IL34: variants seen among roughly 807,000 people sequenced by gnomAD.
IL34 encodes the protein interleukin-34.
In IL34, 17 loss-of-function variants were observed where a neutral mutation model predicts 25.3. That is an observed-to-expected ratio of 0.67 (90% CI 0.46 to 1.01). The LOEUF is 1.01. Ranked by LOEUF, IL34 falls within the 50% of genes least tolerant of loss-of-function variation. The pLI, the probability that IL34 is intolerant of heterozygous loss-of-function variation, is 0.00. For missense variants in IL34, 368 were observed against 312.9 expected, an observed-to-expected ratio of 1.18 and a Z score of -1.33; for synonymous variants, 174 against 140.9, an observed-to-expected ratio of 1.23 and a Z score of -1.66.
At chr16:70,624,904 G>A (rs2051358158) in intron 1 of IL34, among the ~76,000 whole-genome samples, 2 of 152,100 alleles carry the variant, frequency 1.3e-5, no homozygotes, top group South Asian at 2.1e-4. Flanking sequence ...GGTTGGGACT[G>A]AGGGGACAGG....
At chr16:70,658,582 A>G (rs2052295881) in intron 4 of IL34, among the ~76,000 whole-genome samples, 1 of 151,872 alleles carries the variant, frequency 6.6e-6, no homozygotes, top group Non-Finnish European at 1.5e-5. Flanking sequence ...CCCAGGTTCA[A>G]GCAATTCTCC....
chr16:70,614,652 TAA>T (rs1185727925), intron 1 of IL34, among the ~76,000 whole-genome samples: 1 of 152,256 alleles, frequency 6.6e-6, no homozygotes, highest in Non-Finnish European at 1.5e-5. Context: ...TTGCTCTGCC[TAA>T]GAGATAACTG....
At chr16:70,627,681 G>C (rs1293272012) in intron 1 of IL34, among the ~76,000 whole-genome samples, 1 of 152,104 alleles carries the variant, frequency 6.6e-6, no homozygotes, top group Admixed American at 6.6e-5. Context: ...TGTTGTCCAA[G>C]CTGGTCTCGA....
intron 1 of IL34, among the ~76,000 whole-genome samples, chr16:70,594,875 A>G (rs531426147): frequency 6.6e-6 from 1 of 151,922 alleles, no homozygotes; most frequent in Non-Finnish European, 1.5e-5. Flanking sequence ...GGGCAGATTC[A>G]TATCAAATAT....
chr16:70,583,180 T>G (rs2050654003), intron 1 of IL34, among the ~76,000 whole-genome samples: 1 of 152,180 alleles, frequency 6.6e-6, no homozygotes, highest in Admixed American at 6.5e-5. Flanking sequence ...TGTCCCGATT[T>G]CAGCTCACTG....
At chr16:70,637,265 CA>C (rs2051676924) in intron 1 of IL34, among the ~76,000 whole-genome samples, 1 of 152,074 alleles carries the variant, frequency 6.6e-6, no homozygotes, top group Non-Finnish European at 1.5e-5. Context: ...CTTTTGGTGT[CA>C]TATATAAGAA....
At chr16:70,636,785 CAAAACAA>C (rs767623225) in intron 1 of IL34, among the ~76,000 whole-genome samples, 297 of 151,878 alleles carry the variant, frequency 2.0e-3, no homozygotes, top group Non-Finnish European at 2.5e-3. Flanking sequence ...CAAAACAAAA[CAAAACAA>C]AAAACAAAAC....
chr16:70,583,934 GA>G (rs1286553025), intron 1 of IL34, among the ~76,000 whole-genome samples: 3 of 152,100 alleles, frequency 2.0e-5, no homozygotes, highest in African/African-American at 7.2e-5. Flanking sequence ...TTACGAGCGT[GA>G]ACCACCGTGC....
intron 1 of IL34, among the ~76,000 whole-genome samples, chr16:70,602,745 GCCCAGGCTGATCTTGAACT>G (rs2050937987): frequency 6.6e-6 from 1 of 151,924 alleles, no homozygotes; most frequent in Non-Finnish European, 1.5e-5. Flanking sequence ...TCCTTATGTT[GCCCAGGCTGATCTTGAACT>G]CCTGAGCTCA....
chr16:70,599,713 C>T (rs1388684225), intron 1 of IL34, among the ~76,000 whole-genome samples: 2 of 145,986 alleles, frequency 1.4e-5, no homozygotes, highest in South Asian at 2.2e-4. Flanking sequence ...CTTGCTTTGT[C>T]GCCCAGGATA....
intron 2 of IL34, among the ~76,000 whole-genome samples, chr16:70,656,161 C>T (rs75674608): frequency 0.017 from 2,526 of 152,286 alleles, 26 homozygotes; most frequent in Middle Eastern, 0.037. Flanking sequence ...TTTATCCCAG[C>T]TGGGAGCCAG....
intron 2 of IL34, 55 bp downstream of exon 2, chr16:70,654,726 G>A (rs2052170906): frequency 3.2e-6 from 5 of 1,550,128 alleles, no homozygotes; most frequent in East Asian, 2.3e-5. Context: ...GGTTCACCTG[G>A]CATAGGCCTC....
At chr16:70,648,565 A>AG (rs1361293827) in intron 1 of IL34, among the ~76,000 whole-genome samples, 2 of 150,410 alleles carry the variant, frequency 1.3e-5, no homozygotes, top group African/African-American at 2.4e-5. Context: ...AAAAAAAAAA[A>AG]AAAAAAAAAA....
At chr16:70,631,667 T>G (rs1324680564) in intron 1 of IL34, among the ~76,000 whole-genome samples, 1 of 152,092 alleles carries the variant, frequency 6.6e-6, no homozygotes, top group Non-Finnish European at 1.5e-5. Context: ...TAAAATAGTT[T>G]TGGCCAGTAA....
rs549134780 is a variant in IL34, at chr16:70,608,123, T to A, written c.-401+28074T>A. Among the ~76,000 whole-genome samples, 134 of 133,812 alleles carry A rather than the reference T, an allele frequency of 1.0e-3. 2 individuals are homozygous for A. In the East Asian group the frequency reaches 0.028, roughly 28 times the overall value. 87.8% of individuals were successfully genotyped at this position (133,812 alleles called of 152,430 possible). On this transcript the variant is annotated intron_variant, in intron 1 of 6. Transcript: ENST00000429149. ...TGAATTATGATGATTGATTTTCTTT[T>A]TTCTTTTTTTTTTTTTTTTTTTTGA...
intron 1 of IL34, among the ~76,000 whole-genome samples, chr16:70,622,089 A>T (rs574454820): frequency 2.6e-5 from 4 of 152,138 alleles, no homozygotes; most frequent in African/African-American, 9.6e-5. Context: ...AAGAGCCTGA[A>T]AAACTGCTTG....
chr16:70,609,950 T>A (rs530698563), intron 1 of IL34, among the ~76,000 whole-genome samples: 7 of 152,292 alleles, frequency 4.6e-5, no homozygotes, highest in African/African-American at 1.2e-4. Context: ...ATGCCTGTAA[T>A]CCCAGCACTT....
At chr16:70,616,592 C>A (rs1015050634) in intron 1 of IL34, among the ~76,000 whole-genome samples, 2 of 152,138 alleles carry the variant, frequency 1.3e-5, no homozygotes, top group African/African-American at 4.8e-5. Context: ...AGAGAGTCAG[C>A]AAAGCGTGCT....
chr16:70,656,943 C>G lies in IL34; in HGVS notation c.241-17C>G, dbSNP rs769144263. On this transcript the variant is annotated splice_polypyrimidine_tract_variant and intron_variant, in intron 3 of 5. Coordinates refer to ENST00000288098, the MANE Select transcript of IL34 (RefSeq NM_001393494.1). ...GCCCATGTCTCCCGAGTTGCAGTGA[C>G]TTCCCTGTTTCCGCAGCAGAGGGCC... 1.3e-6 allele frequency: 2 copies of G among 1,597,500 alleles called. No homozygotes were observed. Among genetic ancestry groups the G allele is most frequent in the Non-Finnish European group, 8.5e-7 (1 of 1,171,326 alleles).
Sources: allele counts gnomAD v4.1 joint callset (sites outside exome capture counted in the v4.1 genomes callset), GRCh38; gene constraint gnomAD v4.1.1; transcripts MANE v1.5; gene names NCBI Gene and HGNC (gene_info 2026-07-23, HGNC 2026-07-21).